The following TSPAN19 variants were observed in gnomAD, a reference collection of about 807,000 sequenced individuals.
TSPAN19 encodes tetraspanin-19.
A neutral mutation model predicts 35.1 loss-of-function variants in TSPAN19; 44 were observed. The ratio of observed to expected loss-of-function variants is 1.25; its 90% CI spans 0.98 to 1.61. The LOEUF is 1.61. Ranked by LOEUF, TSPAN19 falls within the 40% of genes most tolerant of loss-of-function variation. TSPAN19 has a pLI of 0.00. For missense variants in TSPAN19, 290 were observed against 280.0 expected (o/e 1.04, Z -0.26); for synonymous variants, 79 against 92.0 (o/e 0.86, Z 0.81).
chr12:85,019,773 G>A (rs1390814303), intron 5 of TSPAN19, 37 bp from the exon 6 acceptor site: 2 of 1,194,628 alleles, frequency 1.7e-6, no homozygotes, highest in East Asian at 2.4e-5. Flanking sequence ...AATTTCATAG[G>A]AATGTATCCA....
At chr12:85,029,852 C>A (rs1473702706) in intron 2 of TSPAN19, 29 bp downstream of exon 2, 1 of 1,511,618 alleles carries the variant, frequency 6.6e-7, no homozygotes. Context: ...ATTACATTTT[C>A]TTTACTGTAT....
At position 85,023,405 on chromosome 12, in the gene TSPAN19, A is replaced by G. The variant is rs1327741088; in HGVS notation, c.265-5T>C. On this transcript the variant is annotated splice_region_variant and splice_polypyrimidine_tract_variant and intron_variant, in intron 4 of 8. Transcript: ENST00000532498. ...CCATGTTATCAATACTGCATACTAA[A>G]ACAAAAGAAAAATAGAGATGATGAC... is the stretch of plus-strand genomic sequence containing the variant. 6.4e-7 allele frequency: 1 copy of G among 1,567,024 alleles called. No homozygotes were observed.
chr12:85,029,251 G>A (rs1166112508), intron 3 of TSPAN19, among the ~76,000 whole-genome samples: 1 of 152,088 alleles, frequency 6.6e-6, no homozygotes, highest in Non-Finnish European at 1.5e-5. Context: ...GCAATGGGGA[G>A]TCACATAAGC....
chr12:85,034,596 A>T (rs13377881), intron 1 of TSPAN19, among the ~76,000 whole-genome samples: 34,208 of 152,144 alleles, frequency 0.22, 4,305 homozygotes, highest in Middle Eastern at 0.3. Flanking sequence ...GCAAACCAAC[A>T]TACTCAATCT....
At chr12:85,026,159 C>T (rs565928072) in intron 4 of TSPAN19, among the ~76,000 whole-genome samples, 1 of 152,170 alleles carries the variant, frequency 6.6e-6, no homozygotes, top group Non-Finnish European at 1.5e-5. Context: ...TCTACTTTCC[C>T]CCTTCATTTC....
intron 3 of TSPAN19, among the ~76,000 whole-genome samples, chr12:85,029,307 C>A (rs1877571902): frequency 6.6e-6 from 1 of 151,986 alleles, no homozygotes; most frequent in South Asian, 2.1e-4. Flanking sequence ...TTTAAATTTT[C>A]TTTTTAAAGT....
At position 85,016,358 on chromosome 12, in the gene TSPAN19, T is replaced by C. The variant is rs571457021; in HGVS notation, c.595-387A>G. On this transcript the variant is annotated intron_variant, in intron 7 of 8. Coordinates refer to ENST00000532498, the MANE Select transcript of TSPAN19 (RefSeq NM_001100917.2). ...CCTAAATATATTACATGTCTTCCTA[T>C]AGAAACATATATATAATAGAGTTTA... 310 of 155,720 alleles carry C rather than the reference T, an allele frequency of 2.0e-3. 1 individual carries two copies. The highest frequency in any genetic ancestry group is 3.0e-3 in the Non-Finnish European group (213 of 70,558). 9.6% of individuals were successfully genotyped at this position (155,720 alleles called of 1,614,324 possible).
At chr12:85,023,910 A>G (rs761051696) in intron 4 of TSPAN19, among the ~76,000 whole-genome samples, 3 of 152,224 alleles carry the variant, frequency 2.0e-5, no homozygotes, top group Non-Finnish European at 4.4e-5. Flanking sequence ...CATTTATTAG[A>G]CTATTTAATT....
chr12:85,023,378 G>T lies in TSPAN19; in HGVS notation c.287C>A (p.Thr96Asn). Residue 96 changes from threonine to asparagine, a missense_variant, in exon 5 of 9, where the codon ACC (threonine) becomes AAC (asparagine). Coordinates refer to ENST00000532498, the MANE Select transcript of TSPAN19 (RefSeq NM_001100917.2). ...LIVYAVLITWTFAVQVVLSAF... is the reference protein window; with the variant it reads ...LIVYAVLITWNFAVQVVLSAF... ...TGAAAGTACAACCTGAACAGCAAAG[G>T]TCCATGTTATCAATACTGCATACTA... 1.3e-6 allele frequency: 2 copies of T among 1,587,226 alleles called. No individual in the cohort carries two copies. Among genetic ancestry groups the T allele is most frequent in the Non-Finnish European group, 8.6e-7 (1 of 1,165,682 alleles).
At position 85,017,699 on chromosome 12, in the gene TSPAN19, T is replaced by C. The variant is rs1016395019; in HGVS notation, c.451-100A>G. ...TGGTTTTTGTGATGAAGATAACTCA[T>C]TAATTTTTCCCCATGAACATGTAAT... On this transcript the variant is annotated intron_variant, in intron 6 of 8. Coordinates refer to ENST00000532498, the MANE Select transcript of TSPAN19 (RefSeq NM_001100917.2). The C allele has an allele frequency of 2.9e-5, 25 of 858,706 alleles. 1 individual carries two copies. The South Asian group carries it at 4.8e-4, about 16-fold the overall frequency. The allele number at this position is 858,706 out of a possible 1,614,324, so 53.2% of individuals were successfully genotyped here. A position where few individuals can be genotyped will look rare whatever the true frequency, so the allele number is the denominator to read the frequency against.
chr12:85,023,420 G>C lies in TSPAN19; in HGVS notation c.265-20C>G, dbSNP rs747926600. The C allele has an allele frequency of 6.7e-5, 103 of 1,539,158 alleles. No individual in the cohort carries two copies. The highest frequency in any genetic ancestry group is 8.3e-5 in the Non-Finnish European group (94 of 1,132,946). ...TGCATACTAAAACAAAAGAAAAATA[G>C]AGATGATGACTATGCTACTAATATA... On this transcript the variant is annotated intron_variant, in intron 4 of 8. Transcript: ENST00000532498.
intron 6 of TSPAN19, among the ~76,000 whole-genome samples, chr12:85,018,612 G>T (rs1029721303): frequency 6.6e-6 from 1 of 151,802 alleles, no homozygotes; most frequent in East Asian, 1.9e-4. Flanking sequence ...ATGAGTAAAA[G>T]TATTTGTAAT....
chr12:85,019,604 T>A, intron 6 of TSPAN19, 22 bp downstream of exon 6: 1 of 1,467,110 alleles, frequency 6.8e-7, no homozygotes, highest in Non-Finnish European at 9.5e-7. Flanking sequence ...GACATCTAAT[T>A]TTTTAGTTAA....
intron 1 of TSPAN19, among the ~76,000 whole-genome samples, chr12:85,030,349 A>G (rs1395709536): frequency 1.3e-5 from 2 of 152,112 alleles, no homozygotes; most frequent in Non-Finnish European, 2.9e-5. Context: ...CCTAACCATT[A>G]GATAGCCAGG....
chr12:85,023,919 T>A (rs1038723503), intron 4 of TSPAN19, among the ~76,000 whole-genome samples: 2 of 148,650 alleles, frequency 1.3e-5, no homozygotes, highest in Non-Finnish European at 3.0e-5. Flanking sequence ...GACTATTTAA[T>A]TTTTTTTTAA....
At chr12:85,032,308 G>A (rs560738679) in intron 1 of TSPAN19, among the ~76,000 whole-genome samples, 104 of 152,144 alleles carry the variant, frequency 6.8e-4, no homozygotes, top group Non-Finnish European at 1.0e-3. Flanking sequence ...ATGGGCAGAG[G>A]TTTGATGGTA....
At position 85,027,919 on chromosome 12, in the gene TSPAN19, T is replaced by A. The variant is rs1245543388; in HGVS notation, c.244A>T (p.Ile82Phe). The change falls in exon 4 of 9, where the codon ATC becomes TTC. Residue 82 changes from isoleucine (I) to phenylalanine (F), a missense_variant. Physicochemically the swap from Ile to Phe is conservative, Grantham distance 21. Coordinates refer to ENST00000532498, the MANE Select transcript of TSPAN19 (RefSeq NM_001100917.2). ...CGTACCACAATTAGGAGCCATCTGA[T>A]TTCGTTGTGAATTCCTATATAACCC... ...LLGYIGIHNE[I>F]RWLLIVYAVL... 6.3e-7 allele frequency: 1 copy of A among 1,581,446 alleles called. No homozygotes were observed.
intron 5 of TSPAN19, among the ~76,000 whole-genome samples, chr12:85,020,689 T>A (rs952939577): frequency 4.6e-5 from 7 of 152,036 alleles, no homozygotes; most frequent in Non-Finnish European, 1.0e-4. Context: ...CTGTCCTATA[T>A]GCAGAAGCCA....
At chr12:85,014,823 C>T (rs1415680986) in intron 8 of TSPAN19, 1 of 250,700 alleles carries the variant, frequency 4.0e-6, no homozygotes, top group East Asian at 7.6e-5. Context: ...TATCACTGAG[C>T]TACATGCCTG....
Sources: allele counts gnomAD v4.1 joint callset (sites outside exome capture counted in the v4.1 genomes callset), GRCh38; gene constraint gnomAD v4.1.1; transcripts MANE v1.5; gene names NCBI Gene and HGNC (gene_info 2026-07-23, HGNC 2026-07-21).